KIAA0825: variants seen among roughly 807,000 people sequenced by gnomAD.
KIAA0825 encodes uncharacterized protein KIAA0825.
KIAA0825 carries 119 observed loss-of-function variants against 147.6 expected under a neutral mutation model. The observed-to-expected ratio is 0.81, with a 90% confidence interval of 0.69 to 0.94. KIAA0825 has a LOEUF of 0.94. Among genes scored for constraint, KIAA0825 ranks in the 40% least tolerant of loss-of-function variants. The pLI, the probability that KIAA0825 is intolerant of heterozygous loss-of-function variation, is 0.00. For missense variants in KIAA0825, 1,381 were observed against 1,472.7 expected, an observed-to-expected ratio of 0.94 and a Z score of 1.02; for synonymous variants, 470 against 518.1, an observed-to-expected ratio of 0.91 and a Z score of 1.26.
At chr5:94,348,666 A>C (rs747415457) in intron 20 of KIAA0825, among the ~76,000 whole-genome samples, 2 of 151,588 alleles carry the variant, frequency 1.3e-5, no homozygotes, top group Non-Finnish European at 1.5e-5. Flanking sequence ...AGGGGTAGCT[A>C]TTCCTATATC....
intron 20 of KIAA0825, among the ~76,000 whole-genome samples, chr5:94,308,412 C>T (rs1016453362): frequency 2.0e-5 from 3 of 151,720 alleles, no homozygotes; most frequent in Non-Finnish European, 2.9e-5. Context: ...TTTTAAAGAT[C>T]AAGCAGCCAC....
intron 10 of KIAA0825, among the ~76,000 whole-genome samples, chr5:94,469,441 G>A (rs1214618607): frequency 6.6e-6 from 1 of 152,006 alleles, no homozygotes; most frequent in African/African-American, 2.4e-5. Flanking sequence ...CAAAGTGCTG[G>A]GATTACAGGC....
At chr5:94,282,585 A>G (rs1249298204) in intron 20 of KIAA0825, among the ~76,000 whole-genome samples, 1 of 152,146 alleles carries the variant, frequency 6.6e-6, no homozygotes, top group East Asian at 1.9e-4. Context: ...AAAATTCTAT[A>G]TGGCTAATAT....
chr5:94,169,106 T>G (rs992406482), intron 20 of KIAA0825, among the ~76,000 whole-genome samples: 1 of 152,180 alleles, frequency 6.6e-6, no homozygotes, highest in Admixed American at 6.5e-5. Flanking sequence ...AGGCCAACCA[T>G]GCACTAACCT....
chr5:94,466,338 T>TAAGAAACTTGGGC (rs1165690709), intron 10 of KIAA0825, among the ~76,000 whole-genome samples: 1 of 152,166 alleles, frequency 6.6e-6, no homozygotes, highest in African/African-American at 2.4e-5. Flanking sequence ...ATTCCTTGGG[T>TAAGAAACTTGGGC]AAGAAACTTG....
intron 14 of KIAA0825, among the ~76,000 whole-genome samples, chr5:94,433,126 C>T (rs965281286): frequency 3.9e-5 from 6 of 152,288 alleles, no homozygotes; most frequent in Admixed American, 6.5e-5. Context: ...CTCCACCTTC[C>T]GGGTTGACAT....
intron 20 of KIAA0825, among the ~76,000 whole-genome samples, chr5:94,231,707 T>TCTGC (rs1237216308): frequency 6.6e-6 from 1 of 152,136 alleles, no homozygotes; most frequent in Admixed American, 6.5e-5. Flanking sequence ...GGATGGATGT[T>TCTGC]CAAAGAGCTA....
rs1045000377 is a variant in KIAA0825, at chr5:94,462,429, G to A, written c.2204C>T (p.Thr735Ile). The change falls in exon 12 of 21, where the codon ACA becomes ATA. Residue 735 changes from threonine to isoleucine, a missense_variant. Coordinates refer to ENST00000682413, the MANE Select transcript of KIAA0825 (RefSeq NM_001145678.3). ...TGGTGAAGTCAAAATGACTAATGTT[G>A]TAAACAGATTATTACAATGAGTGTG... is the stretch of plus-strand genomic sequence containing the variant. ...KIHTHCNNLF[T>I]TLVILTSPLT... The A allele has an allele frequency of 2.0e-6, 3 of 1,484,312 alleles. No individual in the cohort carries two copies. The highest frequency in any genetic ancestry group is 1.2e-5 in the South Asian group (1 of 80,030). The allele number at this position is 1,484,312 out of a possible 1,614,324, so 91.9% of individuals were successfully genotyped here.
chr5:94,328,406 T>C (rs1006245485), intron 20 of KIAA0825, among the ~76,000 whole-genome samples: 21 of 152,212 alleles, frequency 1.4e-4, no homozygotes, highest in Non-Finnish European at 2.5e-4. Context: ...TATAGATCTT[T>C]TAAAATGATT....
chr5:94,318,378 T>A (rs969994309), intron 20 of KIAA0825, among the ~76,000 whole-genome samples: 19 of 151,870 alleles, frequency 1.3e-4, no homozygotes, highest in Admixed American at 1.3e-3. Flanking sequence ...ATTTTATTAG[T>A]AAACTGATTA....
intron 12 of KIAA0825, among the ~76,000 whole-genome samples, chr5:94,455,561 A>G (rs1375147792): frequency 6.6e-6 from 1 of 152,154 alleles, no homozygotes; most frequent in African/African-American, 2.4e-5. Context: ...GTTTGGGGGA[A>G]GGAGCCACAA....
chr5:94,151,444 A>C lies in KIAA0825; in HGVS notation c.*2563T>G, dbSNP rs1479049246. 5.3e-5 allele frequency among the ~76,000 whole-genome samples: 8 copies of C among 151,276 alleles called. No individual in the cohort carries two copies. Among genetic ancestry groups the C allele is most frequent in the Non-Finnish European group, 1.2e-4 (8 of 67,738 alleles). ...GTCTCAAAAAAAAAAAAAAAAAAAA[A>C]AAAAAAACATATTGAGTATAAAGTC... On this transcript the variant is annotated 3_prime_UTR_variant, in exon 21 of 21. Transcript: ENST00000682413.
chr5:94,332,160 CAAA>C (rs34035583), intron 20 of KIAA0825, among the ~76,000 whole-genome samples: 3 of 93,902 alleles, frequency 3.2e-5, no homozygotes, highest in Non-Finnish European at 4.3e-5. Flanking sequence ...GACTCCATCT[CAAA>C]AAAAAAAAAA....
intron 1 of KIAA0825, among the ~76,000 whole-genome samples, chr5:94,597,601 T>C (rs1785541454): frequency 6.6e-6 from 1 of 152,170 alleles, no homozygotes; most frequent in African/African-American, 2.4e-5. Context: ...TACCCTGATA[T>C]CCAAGACAAA....
Position 94,391,654 on chromosome 5 carries a change from CT to C in KIAA0825, c.3336del (p.Gly1113GlufsTer7). On this transcript the variant is annotated frameshift_variant, in exon 18 of 21. Coordinates refer to ENST00000682413, the MANE Select transcript of KIAA0825 (RefSeq NM_001145678.3). LOFTEE classifies it high-confidence loss of function. The part of the protein sequence containing the change: ...MTIEKSTALQ[E>X]GDVALELTEQ... ...TCAGTCAGTTCAAGAGCAACATCTC[CT>C]TCTTGTAAGGCCGTGCTTTTCTCTA... 6.4e-7 allele frequency: 1 copy of C among 1,550,802 alleles called. No homozygotes were observed. The highest frequency in any genetic ancestry group is 8.7e-7 in the Non-Finnish European group (1 of 1,146,466).
At chr5:94,338,388 T>C (rs1782021856) in intron 20 of KIAA0825, among the ~76,000 whole-genome samples, 1 of 152,152 alleles carries the variant, frequency 6.6e-6, no homozygotes, top group Admixed American at 6.6e-5. Flanking sequence ...GGTTATAGGA[T>C]AAAATGCCAG....
At position 94,391,711 on chromosome 5, in the gene KIAA0825, C is replaced by T. The variant is rs560192446; in HGVS notation, c.3297-17G>A. 113 of 1,510,272 alleles carry T rather than the reference C, an allele frequency of 7.5e-5. No homozygotes were observed. The African/African-American group carries it at 1.5e-3, about 19-fold the overall frequency. 93.6% of individuals were successfully genotyped at this position (1,510,272 alleles called of 1,614,324 possible). A position where few individuals can be genotyped will look rare whatever the true frequency, so the allele number is the denominator to read the frequency against. ...ATAAATGCACTAAATACAAAGAAAG[C>T]ATATACATATCAGTAGTGAAGAATT... On this transcript the variant is annotated splice_polypyrimidine_tract_variant and intron_variant, in intron 17 of 20. Transcript: ENST00000682413.
intron 15 of KIAA0825, among the ~76,000 whole-genome samples, chr5:94,409,285 G>T (rs905264240): frequency 1.3e-5 from 2 of 152,134 alleles, no homozygotes; most frequent in Admixed American, 6.5e-5. Context: ...TCACTCTCCT[G>T]CCATGAAAGC....
chr5:94,311,567 A>C (rs1779179037), intron 20 of KIAA0825, among the ~76,000 whole-genome samples: 1 of 151,686 alleles, frequency 6.6e-6, no homozygotes, highest in South Asian at 2.1e-4. Context: ...TCAAACTTAA[A>C]AAGCTTTTTA....
Sources: allele counts gnomAD v4.1 joint callset (sites outside exome capture counted in the v4.1 genomes callset), GRCh38; gene constraint gnomAD v4.1.1; transcripts MANE v1.5; gene names NCBI Gene and HGNC (gene_info 2026-07-23, HGNC 2026-07-21).